CDH18: variants seen among roughly 807,000 people sequenced by gnomAD.
CDH18 encodes cadherin 18.
A neutral mutation model predicts 67.9 loss-of-function variants in CDH18; 31 were observed. That is an observed-to-expected ratio of 0.46 (90% CI 0.34 to 0.62). The LOEUF is 0.62. Among genes scored for constraint, CDH18 ranks in the 20% least tolerant of loss-of-function variants. CDH18 has a pLI of 0.01. For missense variants in CDH18, 890 were observed against 975.5 expected (o/e 0.91, Z 1.17); for synonymous variants, 362 against 347.2 (o/e 1.04, Z -0.48).
chr5:19,868,145 T>G lies in CDH18; in HGVS notation c.-256-28903A>C, dbSNP rs139512266. 3.4e-3 allele frequency among the ~76,000 whole-genome samples: 514 copies of G among 152,326 alleles called. 2 individuals carry two copies. The highest frequency in any genetic ancestry group is 0.012 in the African/African-American group (492 of 41,566). ...TTACACCAGGGTGAGAATGGACTAA[T>G]AGACCTATATATAAATTACTACATT... On this transcript the variant is annotated intron_variant, in intron 2 of 12. Coordinates refer to ENST00000382275, the MANE Select transcript of CDH18 (RefSeq NM_004934.5).
intron 2 of CDH18, among the ~76,000 whole-genome samples, chr5:20,127,121 G>T (rs1432537551): frequency 1.3e-5 from 2 of 152,074 alleles, no homozygotes; most frequent in Non-Finnish European, 2.9e-5. Context: ...TAAATCATGG[G>T]GTGGTTTCCC....
At chr5:19,528,165 C>A (rs963116528) in intron 9 of CDH18, among the ~76,000 whole-genome samples, 2 of 151,732 alleles carry the variant, frequency 1.3e-5, no homozygotes, top group African/African-American at 4.8e-5. Context: ...CATTTATTTT[C>A]TACTTTTTGT....
chr5:19,782,802 T>C (rs1775280146), intron 3 of CDH18, among the ~76,000 whole-genome samples: 1 of 152,228 alleles, frequency 6.6e-6, no homozygotes, highest in South Asian at 2.1e-4. Flanking sequence ...ATGTTTCTTC[T>C]TGTTTTGATA....
chr5:19,623,581 T>C (rs1359024734), intron 5 of CDH18, among the ~76,000 whole-genome samples: 2 of 152,040 alleles, frequency 1.3e-5, no homozygotes, highest in Non-Finnish European at 2.9e-5. Context: ...TTTTATCTTA[T>C]TCTGCTTTTT....
At chr5:20,197,888 T>A (rs1739109139) in intron 2 of CDH18, among the ~76,000 whole-genome samples, 1 of 152,146 alleles carries the variant, frequency 6.6e-6, no homozygotes. Flanking sequence ...ATAATCCCCA[T>A]GTGTCAAGGG....
intron 3 of CDH18, among the ~76,000 whole-genome samples, chr5:19,837,238 AAC>A (rs1781758432): frequency 6.6e-6 from 1 of 152,044 alleles, no homozygotes; most frequent in Non-Finnish European, 1.5e-5. Context: ...AGTGGGAAAA[AAC>A]ACACACCAGG....
chr5:20,247,823 T>C (rs1219183294), intron 2 of CDH18, among the ~76,000 whole-genome samples: 2 of 151,724 alleles, frequency 1.3e-5, no homozygotes, highest in Non-Finnish European at 2.9e-5. Context: ...AACAAAACAT[T>C]TTGCCACTCT....
chr5:20,360,563 C>T (rs1193554288), intron 1 of CDH18, among the ~76,000 whole-genome samples: 3 of 152,178 alleles, frequency 2.0e-5, no homozygotes, highest in Non-Finnish European at 2.9e-5. Flanking sequence ...GCATATAATG[C>T]CTCCCTGATC....
At chr5:20,484,599 A>G (rs1340462154) in intron 1 of CDH18, among the ~76,000 whole-genome samples, 1 of 152,130 alleles carries the variant, frequency 6.6e-6, no homozygotes, top group Non-Finnish European at 1.5e-5. Flanking sequence ...TTATTTGGCC[A>G]TAACAAAGAA....
At chr5:20,566,422 C>A (rs745572722) in intron 1 of CDH18, among the ~76,000 whole-genome samples, 46 of 140,078 alleles carry the variant, frequency 3.3e-4, no homozygotes, top group Non-Finnish European at 5.9e-4. Context: ...TGCAGTGGTG[C>A]GATCTCGGCT....
intron 2 of CDH18, among the ~76,000 whole-genome samples, chr5:20,126,672 C>T (rs552235474): frequency 1.3e-5 from 2 of 152,226 alleles, no homozygotes; most frequent in East Asian, 3.9e-4. Flanking sequence ...AGACATTTCT[C>T]TAAAGAAAGC....
chr5:19,478,802 G>A (rs993009558), intron 12 of CDH18, among the ~76,000 whole-genome samples: 1 of 152,164 alleles, frequency 6.6e-6, no homozygotes, highest in Admixed American at 6.5e-5. Context: ...GGAAATAAAA[G>A]TCAGGCCTCT....
At chr5:20,367,457 G>A (rs1248567168) in intron 1 of CDH18, among the ~76,000 whole-genome samples, 3 of 152,106 alleles carry the variant, frequency 2.0e-5, no homozygotes, top group African/African-American at 4.8e-5. Flanking sequence ...CAAAGGAGGC[G>A]GGTTCTATGC....
intron 5 of CDH18, among the ~76,000 whole-genome samples, chr5:19,678,548 A>G (rs1014488696): frequency 2.6e-5 from 4 of 151,946 alleles, no homozygotes; most frequent in Admixed American, 2.0e-4. Context: ...TCAAATTAAC[A>G]ATCTACTGTC....
At chr5:19,743,921 CAAAAAAAAAAA>C (rs140476096) in intron 4 of CDH18, among the ~76,000 whole-genome samples, 2 of 65,906 alleles carry the variant, frequency 3.0e-5, no homozygotes, top group East Asian at 4.7e-4. Flanking sequence ...ACTCTTGTCT[CAAAAAAAAAAA>C]AAAAAAAAAA....
intron 3 of CDH18, 47 bp from the exon 4 acceptor site, chr5:19,747,283 C>A: frequency 1.3e-6 from 2 of 1,481,502 alleles, no homozygotes; most frequent in South Asian, 1.2e-5. Context: ...ATATTCCAAC[C>A]TCACATTATG....
At chr5:20,252,324 C>G (rs1743920088) in intron 2 of CDH18, among the ~76,000 whole-genome samples, 1 of 151,546 alleles carries the variant, frequency 6.6e-6, no homozygotes. Context: ...GCACTCCAGC[C>G]TGGCGACAGA....
chr5:19,805,022 C>CGG (rs1275845114), intron 3 of CDH18, among the ~76,000 whole-genome samples: 1 of 151,756 alleles, frequency 6.6e-6, no homozygotes, highest in Non-Finnish European at 1.5e-5. Context: ...TCTCAACTCA[C>CGG]GGCAGCCTCT....
At chr5:20,431,363 C>T (rs551625375) in intron 1 of CDH18, among the ~76,000 whole-genome samples, 86 of 151,710 alleles carry the variant, frequency 5.7e-4, no homozygotes, top group African/African-American at 2.0e-3. Context: ...TATGGTGGTG[C>T]ACGCCTGTAA....
Sources: allele counts gnomAD v4.1 joint callset (sites outside exome capture counted in the v4.1 genomes callset), GRCh38; gene constraint gnomAD v4.1.1; transcripts MANE v1.5; gene names NCBI Gene and HGNC (gene_info 2026-07-23, HGNC 2026-07-21).